The following LYST variants were observed in gnomAD, a reference collection of about 807,000 sequenced individuals.
LYST encodes lysosomal-trafficking regulator.
A neutral mutation model predicts 413.6 loss-of-function variants in LYST; 192 were observed. The ratio of observed to expected loss-of-function variants is 0.46; its 90% CI spans 0.41 to 0.52. The LOEUF is 0.52. Ranked by LOEUF, LYST falls within the 20% of genes least tolerant of loss-of-function variation. The pLI, the probability that LYST is intolerant of heterozygous loss-of-function variation, is 0.00. For synonymous variants in LYST, 1,525 were observed against 1,567.3 expected, an observed-to-expected ratio of 0.97 and a Z score of 0.64; for missense variants, 3,815 against 4,499.9, an observed-to-expected ratio of 0.85 and a Z score of 4.35.
chr1:235,819,024 C>T (rs1043707771), intron 3 of LYST, among the ~76,000 whole-genome samples: 5 of 152,152 alleles, frequency 3.3e-5, no homozygotes, highest in African/African-American at 1.2e-4. Flanking sequence ...TCCTGTTGCC[C>T]CCATTTCACC....
At chr1:235,730,580 T>TGC (rs1184019132) in intron 36 of LYST, among the ~76,000 whole-genome samples, 4 of 47,288 alleles carry the variant, frequency 8.5e-5, no homozygotes, top group East Asian at 8.4e-4. Flanking sequence ...TGTGTGTGTG[T>TGC]GTGTGTGTGT....
chr1:235,861,046 T>C (rs1289023564), intron 1 of LYST, among the ~76,000 whole-genome samples: 1 of 152,186 alleles, frequency 6.6e-6, no homozygotes, highest in Non-Finnish European at 1.5e-5. Flanking sequence ...TTCCTTGTTA[T>C]TGCTAAGTAG....
chr1:235,755,683 T>C (rs370267512), intron 24 of LYST, 36 bp from the exon 25 acceptor site: 1 of 1,078,172 alleles, frequency 9.3e-7, no homozygotes, highest in Non-Finnish European at 1.4e-6. Flanking sequence ...AGATAATGCA[T>C]TAAAATTAAA....
intron 32 of LYST, 113 bp downstream of exon 32, chr1:235,734,370 A>G: frequency 1.1e-6 from 1 of 881,528 alleles, no homozygotes. Context: ...ATAAAATAAA[A>G]TAATCATTTC....
chr1:235,738,111 G>T, intron 31 of LYST: 1 of 1,607,584 alleles, frequency 6.2e-7, no homozygotes, highest in East Asian at 2.2e-5. Flanking sequence ...CTGTGCCATC[G>T]GTATCTTAAT....
intron 50 of LYST, among the ~76,000 whole-genome samples, chr1:235,675,489 T>C (rs1659312569): frequency 6.6e-6 from 1 of 152,182 alleles, no homozygotes; most frequent in Non-Finnish European, 1.5e-5. Flanking sequence ...GGCAGCACCT[T>C]TCTGCAGAAG....
At chr1:235,870,261 T>C (rs1222841966), upstream of LYST, among the ~76,000 whole-genome samples, 1 of 152,222 alleles carries the variant, frequency 6.6e-6, no homozygotes, top group Non-Finnish European at 1.5e-5. Flanking sequence ...CCTAAAGGTT[T>C]TTCTGTACAT....
rs180984786 is a variant in LYST at position 235,694,805 on chromosome 1, T to G, written c.10565-1319A>C. On this transcript the variant is annotated intron_variant, in intron 46 of 52. Coordinates refer to ENST00000389793, the MANE Select transcript of LYST (RefSeq NM_000081.4). ...CAGCAAGTGCTCCATAAACCAAGGT[T>G]TCTCATTCCAGTACCACAAGAGGCA... 2.2e-4 allele frequency among the ~76,000 whole-genome samples: 33 copies of G among 152,274 alleles called. 1 individual carries two copies. Among genetic ancestry groups the G allele is most frequent in the Admixed American group, 2.0e-3 (30 of 15,302 alleles).
intron 1 of LYST, among the ~76,000 whole-genome samples, chr1:235,876,949 A>G (rs1681165523): frequency 1.3e-5 from 2 of 152,236 alleles, no homozygotes; most frequent in African/African-American, 4.8e-5. Flanking sequence ...CCCAGGTACA[A>G]AAGCTTATCT....
upstream of LYST, among the ~76,000 whole-genome samples, chr1:235,868,669 T>A (rs760158341): frequency 3.3e-5 from 5 of 152,188 alleles, no homozygotes; most frequent in Admixed American, 1.3e-4. Flanking sequence ...CATTTGTGAC[T>A]ATTATTTTTT....
At chr1:235,706,588 TTG>T (rs1662007587) in intron 44 of LYST, among the ~76,000 whole-genome samples, 1 of 152,212 alleles carries the variant, frequency 6.6e-6, no homozygotes. Flanking sequence ...ATCTGGGTTT[TTG>T]TTTTTCTTTG....
At chr1:235,813,977 G>A (rs1305521279) in intron 3 of LYST, among the ~76,000 whole-genome samples, 2 of 152,182 alleles carry the variant, frequency 1.3e-5, no homozygotes, top group Non-Finnish European at 2.9e-5. Flanking sequence ...CAATAATCCA[G>A]ATGAGAGAGA....
At chr1:235,780,393 A>T (rs1432635939) in intron 16 of LYST, among the ~76,000 whole-genome samples, 1 of 151,900 alleles carries the variant, frequency 6.6e-6, no homozygotes, top group African/African-American at 2.4e-5. Context: ...GACAGAGTGA[A>T]ATCCTGTCTC....
chr1:235,810,714 T>C (rs1374036984), intron 4 of LYST, among the ~76,000 whole-genome samples, 180 bp from the exon 5 acceptor site: 1 of 152,248 alleles, frequency 6.6e-6, no homozygotes, highest in African/African-American at 2.4e-5. Context: ...CTCACACTTA[T>C]CCTTACTCTA....
chr1:235,744,472 A>G (rs1665715499), intron 29 of LYST, among the ~76,000 whole-genome samples: 2 of 152,190 alleles, frequency 1.3e-5, no homozygotes, highest in South Asian at 2.1e-4. Flanking sequence ...ATCATGTCAT[A>G]TTTACATGAG....
upstream of LYST, among the ~76,000 whole-genome samples, chr1:235,867,951 T>A (rs573410316): frequency 6.6e-6 from 1 of 152,320 alleles, no homozygotes; most frequent in Non-Finnish European, 1.5e-5. Flanking sequence ...GTCCCAAGCC[T>A]ATATACCAAA....
intron 1 of LYST, among the ~76,000 whole-genome samples, chr1:235,882,507 G>T (rs79070269): frequency 0.017 from 2,611 of 152,284 alleles, 63 homozygotes; most frequent in African/African-American, 0.059. Context: ...GAGAGGATTG[G>T]AGGTGAAAGG....
chr1:235,723,134 C>A (rs74731039), intron 39 of LYST, among the ~76,000 whole-genome samples: 5,562 of 152,032 alleles, frequency 0.037, 342 homozygotes, highest in African/African-American at 0.13. Context: ...AGAGTTTTGG[C>A]CTGGGCATTG....
At chr1:235,737,916 A>AATG in intron 31 of LYST, 3 of 1,163,406 alleles carry the variant, frequency 2.6e-6, no homozygotes, top group Admixed American at 4.4e-5. Flanking sequence ...GCTGCCGACG[A>AATG]GTCTGGATCT....
Sources: allele counts gnomAD v4.1 joint callset (sites outside exome capture counted in the v4.1 genomes callset), GRCh38; gene constraint gnomAD v4.1.1; transcripts MANE v1.5; gene names NCBI Gene and HGNC (gene_info 2026-07-23, HGNC 2026-07-21).